The following SNRPN variants were observed in gnomAD, a reference collection of about 807,000 sequenced individuals.
SNRPN encodes small nuclear ribonucleoprotein polypeptide N, also known as small nuclear ribonucleoprotein-associated protein N.
In SNRPN, 7 loss-of-function variants were observed where a neutral mutation model predicts 25.2. The ratio of observed to expected loss-of-function variants is 0.28; its 90% CI spans 0.16 to 0.52. The LOEUF (loss-of-function observed/expected upper bound fraction) is 0.52, where lower values mean the gene tolerates loss of function less well. Ranked by LOEUF, SNRPN falls within the 20% of genes least tolerant of loss-of-function variation. The pLI is 0.96. For missense variants in SNRPN, 196 were observed against 322.5 expected, an observed-to-expected ratio of 0.61 and a Z score of 3.00; for synonymous variants, 124 against 110.6, an observed-to-expected ratio of 1.12 and a Z score of -0.76.
At chr15:24,861,584 T>C (rs1488857939) in intron 1 of SNRPN, among the ~76,000 whole-genome samples, 2 of 152,154 alleles carry the variant, frequency 1.3e-5, no homozygotes, top group Non-Finnish European at 2.9e-5. Flanking sequence ...AAGGCTACAC[T>C]TAATTTATTA....
chr15:24,931,891 G>A (rs1388934593), intron 3 of SNRPN, among the ~76,000 whole-genome samples: 1 of 138,448 alleles, frequency 7.2e-6, no homozygotes, highest in African/African-American at 2.7e-5. Context: ...CCCACAAAGG[G>A]AAAATCAGGG....
At chr15:24,867,347 T>A (rs2054660676) in intron 1 of SNRPN, among the ~76,000 whole-genome samples, 1 of 151,806 alleles carries the variant, frequency 6.6e-6, no homozygotes, top group South Asian at 2.1e-4. Context: ...AATTTACATT[T>A]CCCTGTATCT....
intron 2 of SNRPN, among the ~76,000 whole-genome samples, chr15:24,891,075 T>C (rs2057628918): frequency 6.6e-6 from 1 of 152,148 alleles, no homozygotes; most frequent in African/African-American, 2.4e-5. Flanking sequence ...CACGCTTGGC[T>C]AATGTTTGTA....
upstream of SNRPN, among the ~76,000 whole-genome samples, chr15:24,954,577 T>C (rs2062537355): frequency 6.6e-6 from 1 of 152,218 alleles, no homozygotes; most frequent in Non-Finnish European, 1.5e-5. Context: ...GTATTTGCAT[T>C]GATTGTGGTT....
At chr15:24,921,800 G>GTATTGTTGCGAATTAAATAC in intron 3 of SNRPN, among the ~76,000 whole-genome samples, 1 of 152,186 alleles carries the variant, frequency 6.6e-6, no homozygotes, top group Non-Finnish European at 1.5e-5. Context: ...AAATACAGCA[G>GTATTGTTGCGAATTAAATAC]AGGATGTAAG....
intron 2 of SNRPN, among the ~76,000 whole-genome samples, chr15:24,840,624 T>C (rs1486625647): frequency 1.3e-5 from 2 of 152,216 alleles, no homozygotes; most frequent in Non-Finnish European, 2.9e-5. Context: ...TTACCTTGAC[T>C]CTGGGTGCCA....
chr15:24,899,367 C>T (rs1203747717), intron 2 of SNRPN, among the ~76,000 whole-genome samples: 1 of 152,184 alleles, frequency 6.6e-6, no homozygotes, highest in Non-Finnish European at 1.5e-5. Flanking sequence ...TCATTGCCTG[C>T]TCTGTGAAAA....
intron 3 of SNRPN, among the ~76,000 whole-genome samples, chr15:24,928,396 T>TA (rs148561561): frequency 1.3e-5 from 2 of 151,974 alleles, no homozygotes; most frequent in South Asian, 4.2e-4. Context: ...TATTTAGCCA[T>TA]AAAAAAAGAA....
At chr15:24,858,954 ATTCCT>A (rs971824444) in intron 1 of SNRPN, among the ~76,000 whole-genome samples, 1 of 151,914 alleles carries the variant, frequency 6.6e-6, no homozygotes, top group African/African-American at 2.4e-5. Flanking sequence ...ACCAGCTCAC[ATTCCT>A]TTCCTTATTT....
intron 2 of SNRPN, among the ~76,000 whole-genome samples, chr15:24,910,072 A>G (rs551848009): frequency 6.6e-6 from 1 of 152,242 alleles, no homozygotes; most frequent in East Asian, 1.9e-4. Flanking sequence ...TAACTTATAC[A>G]TTCATTAGAA....
At chr15:24,834,749 CTCTATATATA>C (rs1462647433) in intron 2 of SNRPN, among the ~76,000 whole-genome samples, 6 of 63,064 alleles carry the variant, frequency 9.5e-5, no homozygotes, top group Admixed American at 8.3e-4. Flanking sequence ...CTCTCTCTCT[CTCTATATATA>C]TATATATATA....
At chr15:24,968,303 G>C in intron 3 of SNRPN, 1 of 346,130 alleles carries the variant, frequency 2.9e-6, no homozygotes, top group Non-Finnish European at 5.3e-6. Flanking sequence ...ATGCTTTTCA[G>C]GTAGTTTTCT....
chr15:24,872,439 A>AT (rs142616552), intron 1 of SNRPN, among the ~76,000 whole-genome samples: 22,007 of 116,804 alleles, frequency 0.19, 6,720 homozygotes, highest in African/African-American at 0.32. Context: ...TCAAAAATAC[A>AT]TTTTTTTTTG....
At chr15:24,947,025 G>A (rs1042903489) in intron 3 of SNRPN, among the ~76,000 whole-genome samples, 2 of 152,026 alleles carry the variant, frequency 1.3e-5, no homozygotes, top group African/African-American at 2.4e-5. Context: ...GTTATAAGAA[G>A]GATGTTAGTC....
intron 2 of SNRPN, among the ~76,000 whole-genome samples, chr15:24,839,699 G>A (rs2051519826): frequency 6.6e-6 from 1 of 152,064 alleles, no homozygotes. Flanking sequence ...CATCTGCTCT[G>A]TTGTTTCACT....
chr15:24,899,248 A>G (rs1385341968), intron 2 of SNRPN, among the ~76,000 whole-genome samples: 2 of 152,196 alleles, frequency 1.3e-5, no homozygotes, highest in Non-Finnish European at 2.9e-5. Context: ...AAATATTGTA[A>G]ATACCATCAC....
intron 2 of SNRPN, among the ~76,000 whole-genome samples, chr15:24,911,859 C>G (rs1394639058): frequency 6.6e-6 from 1 of 152,198 alleles, no homozygotes; most frequent in Non-Finnish European, 1.5e-5. Flanking sequence ...CAGGGCCACC[C>G]CTGAGTTCCT....
chr15:24,957,069 CTG>C (rs775557225), intron 1 of SNRPN, among the ~76,000 whole-genome samples: 2 of 152,222 alleles, frequency 1.3e-5, no homozygotes, highest in Non-Finnish European at 2.9e-5. Flanking sequence ...TATTTTCAAA[CTG>C]GACTTGTTAA....
chr15:24,831,036 A>G (rs942776914), intron 2 of SNRPN, among the ~76,000 whole-genome samples: 2 of 152,076 alleles, frequency 1.3e-5, no homozygotes, highest in African/African-American at 4.8e-5. Flanking sequence ...AAAGTCTCCA[A>G]CGATAATAGC....
Sources: gnomAD v4.1 joint callset for allele counts (sites outside exome capture counted in the v4.1 genomes callset) on GRCh38, gnomAD v4.1.1 for gene constraint, MANE v1.5 for transcripts, NCBI Gene and HGNC (gene_info 2026-07-23, HGNC 2026-07-21) for gene names.